Variants in SNX1 observed in about 807,000 individuals in gnomAD.
SNX1 encodes the protein sorting nexin-1.
In SNX1, 36 loss-of-function variants were observed where a neutral mutation model predicts 71.8. The ratio of observed to expected loss-of-function variants is 0.50; its 90% CI spans 0.38 to 0.66. The LOEUF is 0.66. Among genes scored for constraint, SNX1 ranks in the 30% least tolerant of loss-of-function variants. SNX1 has a pLI of 0.00. For synonymous variants in SNX1, 254 were observed against 240.7 expected (o/e 1.06, Z -0.51); for missense variants, 612 against 646.7 (o/e 0.95, Z 0.58).
chr15:64,122,622 A>T (rs894995107), intron 4 of SNX1, among the ~76,000 whole-genome samples: 11 of 152,162 alleles, frequency 7.2e-5, no homozygotes, highest in African/African-American at 2.7e-4. Flanking sequence ...GGGCTTAAGC[A>T]GCTGGTAACT....
In SNX1 at chr15:64,142,337, AG is replaced by A. The variant is rs200970382; in HGVS notation, c.*4720del. 8.6e-3 allele frequency: 1,845 copies of A among 214,550 alleles called. No individual in the cohort carries two copies. Among genetic ancestry groups the A allele is most frequent in the East Asian group, 0.015 (113 of 7,360 alleles). The allele number at this position is 214,550 out of a possible 1,614,324, so 13.3% of individuals were successfully genotyped here. A position where few individuals can be genotyped will look rare whatever the true frequency, so the allele number is the denominator to read the frequency against. On this transcript the variant is annotated 3_prime_UTR_variant, in exon 15 of 15. Coordinates refer to ENST00000559844, the MANE Select transcript of SNX1 (RefSeq NM_003099.5). ...AGCAAGATCTTGTCTCAAAAAAAAA[AG>A]CAGCTCTGGATGGGAAGGGAGGCCA... is the stretch of plus-strand genomic sequence containing the variant.
intron 1 of SNX1, among the ~76,000 whole-genome samples, chr15:64,099,743 C>T (rs575205029): frequency 6.6e-6 from 1 of 152,322 alleles, no homozygotes; most frequent in African/African-American, 2.4e-5. Flanking sequence ...CATAGTCTCA[C>T]TCTTTTTGTT....
At chr15:64,109,192 G>A (rs1469659151) in intron 1 of SNX1, among the ~76,000 whole-genome samples, 7 of 152,050 alleles carry the variant, frequency 4.6e-5, no homozygotes, top group African/African-American at 1.7e-4. Flanking sequence ...CCGACATGGT[G>A]AAACCCCGTC....
intron 13 of SNX1, 94 bp from the exon 14 acceptor site, chr15:64,136,767 A>G: frequency 2.3e-6 from 2 of 886,488 alleles, no homozygotes; most frequent in Non-Finnish European, 3.7e-6. Context: ...CTACTTTCTG[A>G]GACTGTGTTT....
At chr15:64,120,447 A>T (rs2140146925) in intron 4 of SNX1, among the ~76,000 whole-genome samples, 1 of 151,482 alleles carries the variant, frequency 6.6e-6, no homozygotes, top group Non-Finnish European at 1.5e-5. Flanking sequence ...TAATTTTTTT[A>T]TATTTTTTGT....
intron 1 of SNX1, among the ~76,000 whole-genome samples, chr15:64,108,177 A>G (rs2081042080): frequency 6.6e-6 from 1 of 151,016 alleles, no homozygotes; most frequent in Non-Finnish European, 1.5e-5. Flanking sequence ...TGGGCGACAG[A>G]GTGAGACTCT....
intron 2 of SNX1, 151 bp downstream of exon 2, chr15:64,112,835 A>G: frequency 1.9e-6 from 1 of 534,022 alleles, no homozygotes. Flanking sequence ...CATGAAATAC[A>G]GGCCCTGCCA....
chr15:64,098,689 CAAAAAAAAA>C (rs11448636), intron 1 of SNX1, among the ~76,000 whole-genome samples: 8 of 100,294 alleles, frequency 8.0e-5, no homozygotes, highest in African/African-American at 2.6e-4. Context: ...GACTCTCTCT[CAAAAAAAAA>C]AAAAAAAAAA....
rs1368723694 is a variant in SNX1, at chr15:64,143,763, A to G, written c.*6145A>G. The G allele has an allele frequency of 6.6e-6, 1 of 152,228 alleles. No individual in the cohort carries two copies. The highest frequency in any genetic ancestry group is 1.5e-5 in the Non-Finnish European group (1 of 68,034). The allele number at this position is 152,228 out of a possible 1,614,324, so 9.4% of individuals were successfully genotyped here. ...GGAATATAAGTGTAAGGAGATGTGA[A>G]GCATTTGCCTGTGTGTCAGAACATT... On this transcript the variant is annotated 3_prime_UTR_variant, in exon 15 of 15. Coordinates refer to ENST00000559844, the MANE Select transcript of SNX1 (RefSeq NM_003099.5).
chr15:64,107,460 C>T (rs2081033882), intron 1 of SNX1, among the ~76,000 whole-genome samples: 1 of 152,194 alleles, frequency 6.6e-6, no homozygotes, highest in Non-Finnish European at 1.5e-5. Flanking sequence ...AAGCCTGTTT[C>T]TGTCCTTCTC....
At position 64,127,160 on chromosome 15, in the gene SNX1, A is replaced by G. The variant is rs1239954682; in HGVS notation, c.653-14A>G. 6.3e-7 allele frequency: 1 copy of G among 1,593,176 alleles called. No individual in the cohort carries two copies. Among genetic ancestry groups the G allele is most frequent in the Admixed American group, 1.7e-5 (1 of 57,546 alleles). On this transcript the variant is annotated splice_polypyrimidine_tract_variant and intron_variant, in intron 6 of 14. Transcript: ENST00000559844. ...ATGATTTATGGTTATTTTGCTTTTT[A>G]AATTCCATTCTAGGGATGACAAAAG...
chr15:64,143,932 C>G lies in SNX1; in HGVS notation c.*6314C>G, dbSNP rs1247021199. ...GGAGGGGATTAAATGAATTATGGTA[C>G]AGTTACACCGTTGAATATTTTACAG... On this transcript the variant is annotated 3_prime_UTR_variant, in exon 15 of 15. Coordinates refer to ENST00000559844, the MANE Select transcript of SNX1 (RefSeq NM_003099.5). 6.6e-6 allele frequency: 1 copy of G among 152,166 alleles called. No homozygotes were observed. Among genetic ancestry groups the G allele is most frequent in the Admixed American group, 6.5e-5 (1 of 15,274 alleles). 9.4% of individuals were successfully genotyped at this position (152,166 alleles called of 1,614,324 possible). A position where few individuals can be genotyped will look rare whatever the true frequency, so the allele number is the denominator to read the frequency against.
intron 1 of SNX1, among the ~76,000 whole-genome samples, chr15:64,096,693 C>T (rs1039850559): frequency 6.6e-6 from 1 of 152,214 alleles, no homozygotes; most frequent in Non-Finnish European, 1.5e-5. Flanking sequence ...TATGTTGATT[C>T]TTCTGATCTC....
chr15:64,132,810 C>T (rs1463622423), intron 11 of SNX1, among the ~76,000 whole-genome samples: 1 of 152,188 alleles, frequency 6.6e-6, no homozygotes, highest in East Asian at 1.9e-4. Flanking sequence ...GTGGAGATGC[C>T]TCATAGAGCC....
Position 64,118,226 on chromosome 15 carries a change from C to G in SNX1, c.381C>G (p.Pro127=), listed in dbSNP as rs536180736. Residue 127 remains proline, a synonymous_variant, in exon 3 of 15, where the codon CCC becomes CCG. Transcript: ENST00000559844. ...AGGAAGCCACAAATTCTTCGAAGCC[C>G]CAGCCAACCTATGAGGAGGTGAGGA... ...PPQEATNSSK[P]QPTYEELEEE... 1 of 1,613,428 alleles carries G rather than the reference C, an allele frequency of 6.2e-7. No homozygotes were observed. Among genetic ancestry groups the G allele is most frequent in the Non-Finnish European group, 8.5e-7 (1 of 1,179,802 alleles).
rs1385663694 is a variant in SNX1, at chr15:64,136,392, A to G, written c.1428A>G (p.Lys476=). The change falls in exon 13 of 15, where the codon AAA becomes AAG. Residue 476 remains lysine (K), a synonymous_variant. Transcript: ENST00000559844. ...AGAGGATTTCAACAGTGGTCCGAAA[A>G]GAAGTGATACGGTTTGAGGTGAGAT... ...DFERISTVVR[K]EVIRFEKEKS... 1.2e-6 allele frequency: 2 copies of G among 1,613,934 alleles called. No homozygotes were observed. The highest frequency in any genetic ancestry group is 4.5e-5 in the East Asian group (2 of 44,902).
chr15:64,110,252 A>G (rs1254437368), intron 1 of SNX1, among the ~76,000 whole-genome samples: 2 of 152,222 alleles, frequency 1.3e-5, no homozygotes, highest in Non-Finnish European at 2.9e-5. Context: ...AAGTATGGTC[A>G]TGTCTATCTT....
intron 14 of SNX1, 146 bp from the exon 15 acceptor site, chr15:64,137,422 C>T (rs1312560625): frequency 5.3e-6 from 4 of 751,962 alleles, no homozygotes; most frequent in Non-Finnish European, 6.6e-6. Flanking sequence ...GTGTGAAGGT[C>T]ATGTGGCCTG....
intron 5 of SNX1, among the ~76,000 whole-genome samples, chr15:64,124,124 A>G (rs374126187): frequency 6.5e-5 from 9 of 138,988 alleles, no homozygotes; most frequent in African/African-American, 2.7e-4. Flanking sequence ...GTTGTCTCTC[A>G]TTTCCTTTAT....
Sources: allele counts gnomAD v4.1 joint callset (sites outside exome capture counted in the v4.1 genomes callset), GRCh38; gene constraint gnomAD v4.1.1; transcripts MANE v1.5; gene names NCBI Gene and HGNC (gene_info 2026-07-23, HGNC 2026-07-21).